Variants in EPHA3 observed in about 807,000 individuals in gnomAD.
The protein encoded by EPHA3 is ephrin type-A receptor 3.
In EPHA3, 42 loss-of-function variants were observed where a neutral mutation model predicts 107.1. That is an observed-to-expected ratio of 0.39 (90% CI 0.31 to 0.51). The LOEUF (loss-of-function observed/expected upper bound fraction) is 0.51, where lower values mean the gene tolerates loss of function less well. EPHA3 is among the 20% of genes least tolerant of loss of function. The pLI is 0.78. For missense variants in EPHA3, 1,183 were observed against 1,211.2 expected (o/e 0.98, Z 0.35); for synonymous variants, 461 against 424.8 (o/e 1.09, Z -1.05).
At chr3:89,333,975 T>C (rs1218824901) in intron 3 of EPHA3, among the ~76,000 whole-genome samples, 1 of 152,206 alleles carries the variant, frequency 6.6e-6, no homozygotes, top group Non-Finnish European at 1.5e-5. Context: ...ATTTTTCTTG[T>C]CATTAAAAGA....
chr3:89,373,021 T>A (rs1170864172), intron 5 of EPHA3, among the ~76,000 whole-genome samples: 1 of 151,866 alleles, frequency 6.6e-6, no homozygotes. Context: ...TCTTTTCTAG[T>A]CTTTCACTCC....
intron 2 of EPHA3, among the ~76,000 whole-genome samples, chr3:89,187,241 GTATATTAATAAGTAAT>G (rs971909643): frequency 6.7e-6 from 1 of 149,736 alleles, no homozygotes; most frequent in African/African-American, 2.4e-5. Context: ...TATGCTTAAT[GTATATTAATAAGTAAT>G]TAATATTTAT....
At chr3:89,262,319 C>T (rs1705435309) in intron 3 of EPHA3, among the ~76,000 whole-genome samples, 2 of 152,104 alleles carry the variant, frequency 1.3e-5, no homozygotes, top group African/African-American at 2.4e-5. Context: ...GTTCTGGAGG[C>T]TAGAAGTCTG....
chr3:89,378,645 C>A (rs1409391382), intron 5 of EPHA3, among the ~76,000 whole-genome samples: 1 of 152,118 alleles, frequency 6.6e-6, no homozygotes, highest in Non-Finnish European at 1.5e-5. Flanking sequence ...TCTATATAGG[C>A]TAATGACAAT....
chr3:89,349,651 C>T (rs1707758056), intron 5 of EPHA3, among the ~76,000 whole-genome samples: 1 of 138,958 alleles, frequency 7.2e-6, no homozygotes. Context: ...GAATTTGATC[C>T]TGTCATTATG....
At chr3:89,317,263 C>T (rs1359709701) in intron 3 of EPHA3, among the ~76,000 whole-genome samples, 1 of 151,728 alleles carries the variant, frequency 6.6e-6, no homozygotes, top group Admixed American at 6.6e-5. Flanking sequence ...GATAAACTCA[C>T]TAGGTTTATC....
chr3:89,158,024 T>A (rs777440946), intron 2 of EPHA3, among the ~76,000 whole-genome samples: 1 of 152,056 alleles, frequency 6.6e-6, no homozygotes, highest in Non-Finnish European at 1.5e-5. Flanking sequence ...TACCATTGCT[T>A]GTTTGTGTTT....
chr3:89,125,351 T>C (rs1463675152), intron 1 of EPHA3, among the ~76,000 whole-genome samples: 4 of 151,792 alleles, frequency 2.6e-5, no homozygotes, highest in Non-Finnish European at 4.4e-5. Flanking sequence ...ACTAGGTATA[T>C]CTTTTATCAG....
At chr3:89,460,295 A>G (rs977293675) in intron 15 of EPHA3, among the ~76,000 whole-genome samples, 1 of 150,586 alleles carries the variant, frequency 6.6e-6, no homozygotes, top group African/African-American at 2.5e-5. Context: ...TGACACAAAA[A>G]AATTAGATAA....
At chr3:89,430,783 A>G (rs1709550094) in intron 12 of EPHA3, among the ~76,000 whole-genome samples, 1 of 152,198 alleles carries the variant, frequency 6.6e-6, no homozygotes, top group Non-Finnish European at 1.5e-5. Flanking sequence ...TGAAAATTCA[A>G]TCAAACAAAT....
At chr3:89,403,091 T>G (rs1004520831) in intron 7 of EPHA3, among the ~76,000 whole-genome samples, 3 of 152,212 alleles carry the variant, frequency 2.0e-5, no homozygotes, top group African/African-American at 4.8e-5. Flanking sequence ...CTGAACTTTA[T>G]AGGGAAGAGA....
chr3:89,233,102 C>T (rs989971796), intron 3 of EPHA3, among the ~76,000 whole-genome samples: 5 of 152,106 alleles, frequency 3.3e-5, no homozygotes, highest in African/African-American at 9.7e-5. Flanking sequence ...GGTACAGAGA[C>T]ATCTCAGATA....
intron 3 of EPHA3, among the ~76,000 whole-genome samples, chr3:89,322,131 T>C (rs1007480539): frequency 1.0e-4 from 15 of 146,710 alleles, no homozygotes; most frequent in Non-Finnish European, 1.5e-4. Flanking sequence ...CAGAGGGGGG[T>C]TGGAGAGAGA....
At chr3:89,382,751 CAGA>C (rs1052935404) in intron 5 of EPHA3, among the ~76,000 whole-genome samples, 7 of 152,004 alleles carry the variant, frequency 4.6e-5, no homozygotes, top group African/African-American at 1.7e-4. Flanking sequence ...AGGATTAGGA[CAGA>C]AGAATATTGC....
At chr3:89,117,018 C>T (rs1707273592) in intron 1 of EPHA3, among the ~76,000 whole-genome samples, 2 of 152,074 alleles carry the variant, frequency 1.3e-5, no homozygotes, top group Non-Finnish European at 2.9e-5. Context: ...AGCTGTCTTC[C>T]CTTTTAAGAC....
chr3:89,366,106 T>A (rs1361322814), intron 5 of EPHA3, among the ~76,000 whole-genome samples: 1 of 150,716 alleles, frequency 6.6e-6, no homozygotes, highest in African/African-American at 2.4e-5. Context: ...GGAGATGACC[T>A]TTCAGAGATT....
chr3:89,154,042 C>G (rs2107051617), intron 2 of EPHA3, among the ~76,000 whole-genome samples: 1 of 152,096 alleles, frequency 6.6e-6, no homozygotes, highest in South Asian at 2.1e-4. Context: ...CCATGAGGCC[C>G]CCCGACATTT....
In EPHA3 at chr3:89,449,080, A is replaced by G. The variant is rs1442067404; in HGVS notation, c.2347-145A>G. On this transcript the variant is annotated intron_variant, in intron 13 of 16. Transcript: ENST00000336596. ...TACTTCTGCTTGGTATTGAAATAGAATAACATCAAAATGTTTCACAGAAAT... is the reference window on the plus strand; with the variant it reads ...TACTTCTGCTTGGTATTGAAATAGAGTAACATCAAAATGTTTCACAGAAAT... 6 of 682,232 alleles carry G rather than the reference A, an allele frequency of 8.8e-6. No homozygotes were observed. The African/African-American group carries it at 1.1e-4, about 13-fold the overall frequency. 42.3% of individuals were successfully genotyped at this position (682,232 alleles called of 1,614,324 possible).
At chr3:89,154,102 A>T (rs1704743532) in intron 2 of EPHA3, among the ~76,000 whole-genome samples, 1 of 151,642 alleles carries the variant, frequency 6.6e-6, no homozygotes, top group Non-Finnish European at 1.5e-5. Context: ...TGCCTTGATC[A>T]CTCTATTTTA....
Sources: gnomAD v4.1 joint callset for allele counts (sites outside exome capture counted in the v4.1 genomes callset) on GRCh38, gnomAD v4.1.1 for gene constraint, MANE v1.5 for transcripts, NCBI Gene and HGNC (gene_info 2026-07-23, HGNC 2026-07-21) for gene names.